RORA: variants seen among roughly 807,000 people sequenced by gnomAD.
RORA encodes nuclear receptor ROR-alpha.
A neutral mutation model predicts 69.5 loss-of-function variants in RORA; 7 were observed. The ratio of observed to expected loss-of-function variants is 0.10; its 90% CI spans 0.06 to 0.19. The LOEUF (loss-of-function observed/expected upper bound fraction) is 0.19. Among genes scored for constraint, RORA ranks in the 10% least tolerant of loss-of-function variants. RORA has a pLI of 1.00. For synonymous variants in RORA, 261 were observed against 240.8 expected, an observed-to-expected ratio of 1.08 and a Z score of -0.78; for missense variants, 457 against 663.0, an observed-to-expected ratio of 0.69 and a Z score of 3.41.
At chr15:60,527,910 C>T (rs1436339202) in intron 3 of RORA, among the ~76,000 whole-genome samples, 2 of 152,300 alleles carry the variant, frequency 1.3e-5, no homozygotes. Flanking sequence ...TCTCCTTCTT[C>T]CTCAGCACAG....
chr15:61,181,297 C>T (rs1596052720), intron 1 of RORA: 6 of 152,170 alleles, frequency 3.9e-5, no homozygotes, highest in Non-Finnish European at 8.8e-5. Context: ...AGCCATTCTA[C>T]CATTAAACAG....
chr15:61,174,517 A>C (rs1398296809), intron 1 of RORA, among the ~76,000 whole-genome samples: 2 of 152,234 alleles, frequency 1.3e-5, no homozygotes, highest in Non-Finnish European at 2.9e-5. Context: ...GGGGCGGGAA[A>C]TGTGATCCAG....
chr15:60,702,634 A>C (rs2071000282), intron 1 of RORA, among the ~76,000 whole-genome samples: 1 of 152,236 alleles, frequency 6.6e-6, no homozygotes, highest in South Asian at 2.1e-4. Flanking sequence ...ATCACTTATA[A>C]GCCAGTATTA....
rs1217607464 is a variant in RORA at position 60,493,136 on chromosome 15, A to C, written c.*4319T>G. 3 of 152,204 alleles carry C rather than the reference A, an allele frequency of 2.0e-5. No individual in the cohort carries two copies. The highest frequency in any genetic ancestry group is 7.2e-5 in the African/African-American group (3 of 41,450). The allele number at this position is 152,204 out of a possible 1,614,324, so 9.4% of individuals were successfully genotyped here. Reference sequence around the variant, plus strand: ...TCACCAGTCAGCACAAAGAACTGTCAGAAAATAACTTTTTATTATTATCTT... The same window carrying C: ...TCACCAGTCAGCACAAAGAACTGTCCGAAAATAACTTTTTATTATTATCTT... On this transcript the variant is annotated 3_prime_UTR_variant, in exon 11 of 11. Coordinates refer to ENST00000335670, the MANE Select transcript of RORA (RefSeq NM_134261.3).
In RORA at chr15:60,847,079, C is replaced by T. The variant is rs368763711; in HGVS notation, c.167-168393G>A. Among the ~76,000 whole-genome samples, 42 of 152,262 alleles carry T rather than the reference C, an allele frequency of 2.8e-4. 1 individual carries two copies. In the South Asian group the frequency reaches 8.5e-3, roughly 31 times the overall value. On this transcript the variant is annotated intron_variant, in intron 1 of 10. Transcript: ENST00000335670. ...AAAGTGCCTGGAATATACTTCTTGT[C>T]CTAGCAATTGATACCCTCTCATTGC...
chr15:60,964,242 C>T (rs1335802541), intron 1 of RORA, among the ~76,000 whole-genome samples: 1 of 152,198 alleles, frequency 6.6e-6, no homozygotes, highest in Non-Finnish European at 1.5e-5. Flanking sequence ...TTTTTGGTGC[C>T]TGAGGCATTA....
intron 1 of RORA, among the ~76,000 whole-genome samples, chr15:60,751,651 A>G (rs541717887): frequency 6.6e-6 from 1 of 152,270 alleles, no homozygotes; most frequent in South Asian, 2.1e-4. Context: ...TGACTCCAGC[A>G]CCTGCTTTCT....
intron 1 of RORA, among the ~76,000 whole-genome samples, chr15:61,224,306 T>C (rs908485387): frequency 1.1e-4 from 16 of 152,252 alleles, no homozygotes; most frequent in African/African-American, 3.6e-4. Flanking sequence ...TATGTCATAA[T>C]AGGAGAGGTG....
At chr15:60,563,389 G>A (rs1881600125) in intron 2 of RORA, among the ~76,000 whole-genome samples, 1 of 152,178 alleles carries the variant, frequency 6.6e-6, no homozygotes, top group Admixed American at 6.5e-5. Flanking sequence ...ATATTAAACA[G>A]ACTTTTGCTT....
intron 1 of RORA, among the ~76,000 whole-genome samples, chr15:61,153,403 G>T (rs1325908566): frequency 6.6e-6 from 1 of 152,176 alleles, no homozygotes; most frequent in African/African-American, 2.4e-5. Flanking sequence ...TACTAAGAAA[G>T]GACATGGGAG....
At chr15:60,916,815 C>G (rs1382936958) in intron 1 of RORA, among the ~76,000 whole-genome samples, 1 of 152,276 alleles carries the variant, frequency 6.6e-6, no homozygotes, top group Admixed American at 6.5e-5. Flanking sequence ...GTTAACTGCA[C>G]GGTGAGCCCT....
chr15:60,751,642 G>T (rs2071724831), intron 1 of RORA, among the ~76,000 whole-genome samples: 1 of 152,180 alleles, frequency 6.6e-6, no homozygotes, highest in African/African-American at 2.4e-5. Flanking sequence ...TGCAGACTCT[G>T]ACTCCAGCAC....
At chr15:61,193,356 T>C (rs1240303317) in intron 1 of RORA, among the ~76,000 whole-genome samples, 1 of 152,238 alleles carries the variant, frequency 6.6e-6, no homozygotes, top group African/African-American at 2.4e-5. Flanking sequence ...GTTATACTGC[T>C]GCAGGGTGGA....
At chr15:60,894,819 C>T (rs1891186355) in intron 1 of RORA, among the ~76,000 whole-genome samples, 1 of 152,138 alleles carries the variant, frequency 6.6e-6, no homozygotes, top group South Asian at 2.1e-4. Flanking sequence ...GTTAGGACTT[C>T]ATTAAAATAT....
At chr15:61,067,122 T>C (rs1470712649) in intron 1 of RORA, among the ~76,000 whole-genome samples, 1 of 150,642 alleles carries the variant, frequency 6.6e-6, no homozygotes, top group Non-Finnish European at 1.5e-5. Flanking sequence ...TTCTTTTTTT[T>C]TTTTTTTGAG....
chr15:60,894,862 C>T (rs1891187547), intron 1 of RORA, among the ~76,000 whole-genome samples: 1 of 152,134 alleles, frequency 6.6e-6, no homozygotes, highest in Middle Eastern at 3.2e-3. Flanking sequence ...ACTTAAACAT[C>T]CCTGCACAGG....
chr15:60,547,551 C>T (rs1175583752), intron 2 of RORA, among the ~76,000 whole-genome samples: 2 of 151,506 alleles, frequency 1.3e-5, no homozygotes, highest in Non-Finnish European at 2.9e-5. Flanking sequence ...GTCTTGATCT[C>T]CTGACCTCAG....
chr15:61,044,035 C>T (rs535004055), intron 1 of RORA, among the ~76,000 whole-genome samples: 1 of 152,008 alleles, frequency 6.6e-6, no homozygotes, highest in Admixed American at 6.6e-5. Flanking sequence ...GCTCCTCCCA[C>T]CCCCTCCCTA....
intron 2 of RORA, among the ~76,000 whole-genome samples, chr15:60,543,950 G>A (rs1317506111): frequency 1.3e-5 from 2 of 152,200 alleles, no homozygotes; most frequent in African/African-American, 4.8e-5. Flanking sequence ...AGAAACCAGT[G>A]TTTCTTTCTA....
Sources: gnomAD v4.1 joint callset for allele counts (sites outside exome capture counted in the v4.1 genomes callset) on GRCh38, gnomAD v4.1.1 for gene constraint, MANE v1.5 for transcripts, NCBI Gene and HGNC (gene_info 2026-07-23, HGNC 2026-07-21) for gene names.